The following VTA1 variants were observed in gnomAD, a reference collection of about 807,000 sequenced individuals.
The protein encoded by VTA1 is vesicle trafficking 1, also known as vacuolar protein sorting-associated protein VTA1 homolog.
In VTA1, 24 loss-of-function variants were observed where a neutral mutation model predicts 36.9. That is an observed-to-expected ratio of 0.65 (90% CI 0.47 to 0.91). The LOEUF (loss-of-function observed/expected upper bound fraction) is 0.91, where lower values mean the gene tolerates loss of function less well. VTA1 is among the 40% of genes least tolerant of loss of function. VTA1 has a pLI of 0.00. For synonymous variants in VTA1, 142 were observed against 130.2 expected (o/e 1.09, Z -0.62); for missense variants, 393 against 377.2 (o/e 1.04, Z -0.35).
chr6:142,186,282 T>A lies in VTA1; in HGVS notation c.412-3144T>A, dbSNP rs191708614. Reference sequence around the variant, plus strand: ...TAGTCAGTGAATGGGATAGGGACATTGAGAAGAGGTTGGACAATCAAGAAC... The same window carrying A: ...TAGTCAGTGAATGGGATAGGGACATAGAGAAGAGGTTGGACAATCAAGAAC... On this transcript the variant is annotated intron_variant, in intron 4 of 7. Coordinates refer to ENST00000367630, the MANE Select transcript of VTA1 (RefSeq NM_016485.5). 6.8e-4 allele frequency among the ~76,000 whole-genome samples: 104 copies of A among 152,174 alleles called. 1 individual carries two copies. Among genetic ancestry groups the A allele is most frequent in the East Asian group, 1.5e-3 (8 of 5,174 alleles).
chr6:142,209,211 C>T (rs1314083389), intron 7 of VTA1, among the ~76,000 whole-genome samples: 1 of 151,922 alleles, frequency 6.6e-6, no homozygotes, highest in Admixed American at 6.5e-5. Context: ...ACAGAATCAA[C>T]ATACAAAAAT....
At chr6:142,193,562 TTTAA>T (rs1250317479) in intron 5 of VTA1, among the ~76,000 whole-genome samples, 2 of 152,144 alleles carry the variant, frequency 1.3e-5, no homozygotes, top group Non-Finnish European at 2.9e-5. Context: ...TATTTATTCA[TTTAA>T]TTATTTACAT....
intron 6 of VTA1, among the ~76,000 whole-genome samples, 156 bp from the exon 7 acceptor site, chr6:142,203,829 C>T (rs1775735383): frequency 6.6e-6 from 1 of 152,138 alleles, no homozygotes; most frequent in Non-Finnish European, 1.5e-5. Context: ...ACTTGATATC[C>T]TCCAACATCA....
intron 6 of VTA1, among the ~76,000 whole-genome samples, chr6:142,201,342 A>G (rs2114676380): frequency 6.6e-6 from 1 of 152,064 alleles, no homozygotes; most frequent in South Asian, 2.1e-4. Flanking sequence ...CACTTTTATC[A>G]AAGGGAAATC....
chr6:142,204,127 A>T lies in VTA1; in HGVS notation c.778+62A>T, dbSNP rs895655360. The T allele has an allele frequency of 2.8e-6, 4 of 1,427,104 alleles. No homozygotes were observed. The African/African-American group carries it at 5.6e-5, about 20-fold the overall frequency. The allele number at this position is 1,427,104 out of a possible 1,614,324, so 88.4% of individuals were successfully genotyped here. On this transcript the variant is annotated intron_variant, in intron 7 of 7. Transcript: ENST00000367630. ...TCCTGTTTTGGGTTGCTGTTTTGTA[A>T]TTTTACCTTGACAGTACCATATATT...
chr6:142,223,981 G>A lies in VTA1; in HGVS notation c.*5338G>A, dbSNP rs999825125. ...TGTAAATGTATTATGGCTGGGGCGGGGGGCTAGGGAATGTGTTATGACTAA... is the reference window on the plus strand; with the variant it reads ...TGTAAATGTATTATGGCTGGGGCGGAGGGCTAGGGAATGTGTTATGACTAA... On this transcript the variant is annotated 3_prime_UTR_variant, in exon 8 of 8. Transcript: ENST00000367630. 2 of 152,116 alleles carry A rather than the reference G, an allele frequency of 1.3e-5. No individual in the cohort carries two copies. The highest frequency in any genetic ancestry group is 6.6e-5 in the Admixed American group (1 of 15,266). 9.4% of individuals were successfully genotyped at this position (152,116 alleles called of 1,614,324 possible).
chr6:142,149,908 G>C (rs1017724871), intron 1 of VTA1, among the ~76,000 whole-genome samples: 3 of 151,982 alleles, frequency 2.0e-5, no homozygotes, highest in Non-Finnish European at 4.4e-5. Context: ...GATTAGACAT[G>C]TTTTGCACTT....
chr6:142,188,225 C>CTTT lies in VTA1; in HGVS notation c.412-1175_412-1173dup, dbSNP rs200348683. ...TGCCTAGCCCTCTATTTCTTTATTT[C>CTTT]TTTTTTTTTTTTTTTTTTTTTTTTT... On this transcript the variant is annotated intron_variant, in intron 4 of 7. Coordinates refer to ENST00000367630, the MANE Select transcript of VTA1 (RefSeq NM_016485.5). 1.2e-3 allele frequency among the ~76,000 whole-genome samples: 95 copies of CTTT among 78,966 alleles called. 1 individual carries two copies. The highest frequency in any genetic ancestry group is 2.0e-3 in the South Asian group (4 of 2,038). 51.8% of individuals were successfully genotyped at this position (78,966 alleles called of 152,430 possible).
intron 4 of VTA1, among the ~76,000 whole-genome samples, chr6:142,181,195 G>A (rs1167812811): frequency 3.5e-5 from 5 of 141,572 alleles, no homozygotes; most frequent in Non-Finnish European, 6.1e-5. Context: ...GTGCAGTGGC[G>A]CGATCTCACC....
intron 1 of VTA1, among the ~76,000 whole-genome samples, chr6:142,159,277 C>A (rs1239454556): frequency 2.0e-5 from 3 of 151,870 alleles, no homozygotes; most frequent in African/African-American, 7.3e-5. Flanking sequence ...GGTGGAAGAA[C>A]CATCTGCGCC....
chr6:142,219,256 T>C lies in VTA1; in HGVS notation c.*613T>C, dbSNP rs571707730. 6.6e-6 allele frequency: 1 copy of C among 152,230 alleles called. No homozygotes were observed. The highest frequency in any genetic ancestry group is 1.5e-5 in the Non-Finnish European group (1 of 68,034). 9.4% of individuals were successfully genotyped at this position (152,230 alleles called of 1,614,324 possible). A position where few individuals can be genotyped will look rare whatever the true frequency, so the allele number is the denominator to read the frequency against. ...AATAAGGTAAAGAGGTAGAATCACTTTCAGACTTAAGAATAATGTTGATTT... is the reference window on the plus strand; with the variant it reads ...AATAAGGTAAAGAGGTAGAATCACTCTCAGACTTAAGAATAATGTTGATTT... On this transcript the variant is annotated 3_prime_UTR_variant, in exon 8 of 8. Transcript: ENST00000367630.
At chr6:142,176,769 T>C (rs1775134410) in intron 4 of VTA1, among the ~76,000 whole-genome samples, 1 of 152,210 alleles carries the variant, frequency 6.6e-6, no homozygotes. Flanking sequence ...TTCAGTATTA[T>C]GTTGTCACAA....
intron 4 of VTA1, among the ~76,000 whole-genome samples, chr6:142,179,644 C>T (rs750161492): frequency 2.5e-4 from 38 of 152,030 alleles, no homozygotes; most frequent in African/African-American, 1.9e-4. Context: ...TGTGTACATG[C>T]GCGCACACCA....
intron 7 of VTA1, among the ~76,000 whole-genome samples, chr6:142,215,419 C>T (rs536403473): frequency 1.0e-4 from 15 of 145,196 alleles, no homozygotes; most frequent in East Asian, 6.1e-4. Context: ...CCAGCCTGGG[C>T]GACAGAGTGA....
chr6:142,160,896 A>G (rs1260265582), intron 1 of VTA1, among the ~76,000 whole-genome samples: 1 of 152,172 alleles, frequency 6.6e-6, no homozygotes, highest in Non-Finnish European at 1.5e-5. Context: ...TCTTTGGACA[A>G]TGAAAAAGCC....
At chr6:142,154,839 TATC>T (rs1297971251) in intron 1 of VTA1, among the ~76,000 whole-genome samples, 17 of 152,246 alleles carry the variant, frequency 1.1e-4, no homozygotes, top group African/African-American at 3.8e-4. Context: ...ATAGTTACGT[TATC>T]ATTTTGAGAT....
At chr6:142,166,880 C>A (rs1316315932) in intron 2 of VTA1, among the ~76,000 whole-genome samples, 1 of 152,198 alleles carries the variant, frequency 6.6e-6, no homozygotes, top group Non-Finnish European at 1.5e-5. Context: ...CTCACCTCAG[C>A]CTCCCAAAGT....
rs1012694901 is a variant in VTA1 at position 142,181,472 on chromosome 6, T to C, written c.412-7954T>C. Among the ~76,000 whole-genome samples the C allele has an allele frequency of 1.2e-3, 179 of 148,056 alleles. 3 individuals carry two copies. The highest frequency in any genetic ancestry group is 3.3e-3 in the African/African-American group (134 of 40,888). On this transcript the variant is annotated intron_variant, in intron 4 of 7. Transcript: ENST00000367630. The stretch of plus-strand genomic sequence containing the variant: ...TTTATATTTTATATATATATATATA[T>C]ATGTATATGTACTTTTTATACATTT...
rs193200863 is a variant in VTA1 at position 142,163,810 on chromosome 6, A to C, written c.113-2418A>C. Among the ~76,000 whole-genome samples the C allele has an allele frequency of 5.3e-5, 8 of 152,298 alleles. No homozygotes were observed. In the East Asian group the frequency reaches 1.5e-3, roughly 29 times the overall value. On this transcript the variant is annotated intron_variant, in intron 1 of 7. Coordinates refer to ENST00000367630, the MANE Select transcript of VTA1 (RefSeq NM_016485.5). ...TTTTGATCACCTATCCATATGAGTT[A>C]GAAAAAACATTGAATACAAATCTGC...
Sources: gnomAD v4.1 joint callset for allele counts (sites outside exome capture counted in the v4.1 genomes callset) on GRCh38, gnomAD v4.1.1 for gene constraint, MANE v1.5 for transcripts, NCBI Gene and HGNC (gene_info 2026-07-23, HGNC 2026-07-21) for gene names.